Variants in ENPP6 observed in about 807,000 individuals in gnomAD.
ENPP6 encodes ectonucleotide pyrophosphatase/phosphodiesterase 6, also known as glycerophosphocholine cholinephosphodiesterase ENPP6.
ENPP6 carries 32 observed loss-of-function variants against 42.0 expected under a neutral mutation model. The observed-to-expected ratio is 0.76, with a 90% CI of 0.58 to 1.02. ENPP6 has a LOEUF of 1.02. ENPP6 is among the 50% of genes least tolerant of loss of function. The pLI, the probability that ENPP6 is intolerant of heterozygous loss-of-function variation, is 0.00. For synonymous variants in ENPP6, 213 were observed against 216.0 expected, an observed-to-expected ratio of 0.99 and a Z score of 0.12; for missense variants, 552 against 566.8, an observed-to-expected ratio of 0.97 and a Z score of 0.27.
intron 1 of ENPP6, among the ~76,000 whole-genome samples, chr4:184,190,437 C>T (rs538855548): frequency 4.6e-5 from 7 of 152,292 alleles, no homozygotes; most frequent in Non-Finnish European, 1.0e-4. Context: ...CTGAGCTGAT[C>T]TCCCTCATTT....
intron 1 of ENPP6, among the ~76,000 whole-genome samples, chr4:184,179,291 A>G (rs1428269280): frequency 6.6e-6 from 1 of 152,214 alleles, no homozygotes; most frequent in Non-Finnish European, 1.5e-5. Context: ...GGCATTATAT[A>G]ATGGTAAAGG....
At chr4:184,167,455 C>T (rs1217723931) in intron 1 of ENPP6, among the ~76,000 whole-genome samples, 12 of 152,102 alleles carry the variant, frequency 7.9e-5, no homozygotes, top group African/African-American at 2.7e-4. Flanking sequence ...AGACTAGTTA[C>T]CAGAATATTA....
Position 184,117,875 on chromosome 4 carries a change from T to A in ENPP6, c.559A>T (p.Ile187Leu). Residue 187 changes from isoleucine to leucine, a missense_variant, in exon 4 of 8, where the codon ATA becomes TTA. Transcript: ENST00000296741. Reference protein sequence around the residue: ...FKSGRADLAAIYHERIDVEGH... With the variant: ...FKSGRADLAALYHERIDVEGH... Reference sequence around the variant, plus strand: ...TCCACGTCAATGCGCTCATGGTATATGGCTGCCAGGTCGGCCCGGCCACTC... The same window carrying A: ...TCCACGTCAATGCGCTCATGGTATAAGGCTGCCAGGTCGGCCCGGCCACTC... The A allele has an allele frequency of 1.2e-6, 2 of 1,614,204 alleles. No individual in the cohort carries two copies. Among genetic ancestry groups the A allele is most frequent in the Non-Finnish European group, 1.7e-6 (2 of 1,180,040 alleles).
intron 1 of ENPP6, among the ~76,000 whole-genome samples, chr4:184,172,653 T>G (rs1332245109): frequency 6.6e-6 from 1 of 152,046 alleles, no homozygotes; most frequent in Non-Finnish European, 1.5e-5. Context: ...CTAATGTGGG[T>G]TTTTTTCTGC....
chr4:184,208,032 C>T (rs1733030504), intron 1 of ENPP6, among the ~76,000 whole-genome samples: 1 of 103,898 alleles, frequency 9.6e-6, no homozygotes, highest in Non-Finnish European at 2.1e-5. Flanking sequence ...CTTTAAAGAC[C>T]TTATCTCCAA....
chr4:184,117,087 A>T (rs754861851), intron 4 of ENPP6, 52 bp from the exon 5 acceptor site: 1 of 1,596,908 alleles, frequency 6.3e-7, no homozygotes, highest in Admixed American at 1.7e-5. Context: ...AGGCTCGTGC[A>T]CTCAGAAAAC....
chr4:184,135,829 G>A (rs559262983), intron 2 of ENPP6, among the ~76,000 whole-genome samples: 1 of 151,960 alleles, frequency 6.6e-6, no homozygotes, highest in South Asian at 2.1e-4. Context: ...TTCACCCAAG[G>A]GTGAATACTG....
intron 6 of ENPP6, among the ~76,000 whole-genome samples, chr4:184,110,441 C>G (rs1277284696): frequency 6.6e-6 from 1 of 152,188 alleles, no homozygotes; most frequent in African/African-American, 2.4e-5. Context: ...CTTCCAAATC[C>G]CTGTACCTAA....
At chr4:184,105,187 A>C (rs1227196963) in intron 6 of ENPP6, among the ~76,000 whole-genome samples, 2 of 152,186 alleles carry the variant, frequency 1.3e-5, no homozygotes, top group African/African-American at 4.8e-5. Flanking sequence ...GGTCTATGCA[A>C]ATCATCCATG....
At chr4:184,180,041 T>C (rs7689699) in intron 1 of ENPP6, among the ~76,000 whole-genome samples, 121,148 of 152,028 alleles carry the variant, frequency 0.8, 51,586 homozygotes, top group East Asian at 1. Context: ...TGGAAGGAGA[T>C]GGAGACATGA....
At chr4:184,162,550 A>AGGAGGGAGGGAAGGAG (rs775695641) in intron 1 of ENPP6, among the ~76,000 whole-genome samples, 4,414 of 73,192 alleles carry the variant, frequency 0.06, 247 homozygotes, top group African/African-American at 0.14. Flanking sequence ...GGAGGGAAGA[A>AGGAGGGAGGGAAGGAG]GGAAGGAAAG....
intron 1 of ENPP6, among the ~76,000 whole-genome samples, chr4:184,166,398 T>C (rs1274245091): frequency 6.6e-6 from 1 of 152,200 alleles, no homozygotes; most frequent in Non-Finnish European, 1.5e-5. Flanking sequence ...TAAAAATAAA[T>C]GCATTGCTTT....
chr4:184,134,433 T>A lies in ENPP6; in HGVS notation c.422-10161A>T, dbSNP rs114270791. Reference sequence around the variant, plus strand: ...AATTTTAAAACTGATACAGAAGTATTCCAATTTTCTATTTCTTTTTTTCTG... The same window carrying A: ...AATTTTAAAACTGATACAGAAGTATACCAATTTTCTATTTCTTTTTTTCTG... On this transcript the variant is annotated intron_variant, in intron 2 of 7. Transcript: ENST00000296741. Among the ~76,000 whole-genome samples the A allele has an allele frequency of 4.2e-3, 640 of 152,296 alleles. 4 individuals carry two copies. Among genetic ancestry groups the A allele is most frequent in the African/African-American group, 0.015 (613 of 41,560 alleles).
At chr4:184,143,074 T>C (rs1217761473) in intron 2 of ENPP6, among the ~76,000 whole-genome samples, 1 of 152,234 alleles carries the variant, frequency 6.6e-6, no homozygotes, top group Non-Finnish European at 1.5e-5. Flanking sequence ...CTTGACTTTC[T>C]GCACCACACG....
chr4:184,131,063 C>T lies in ENPP6; in HGVS notation c.422-6791G>A, dbSNP rs111624128. On this transcript the variant is annotated intron_variant, in intron 2 of 7. Coordinates refer to ENST00000296741, the MANE Select transcript of ENPP6 (RefSeq NM_153343.4). ...TAAGAGAAGAGCTCGATTTGGGGAA[C>T]GTATACAGTCAACTTTATAAGATAA... Among the ~76,000 whole-genome samples, 23 of 152,116 alleles carry T rather than the reference C, an allele frequency of 1.5e-4. 1 individual carries two copies. Among genetic ancestry groups the T allele is most frequent in the Non-Finnish European group, 2.9e-5 (2 of 68,022 alleles).
chr4:184,113,941 T>TTCTA (rs1553995054), intron 5 of ENPP6, among the ~76,000 whole-genome samples: 12 of 148,870 alleles, frequency 8.1e-5, no homozygotes, highest in African/African-American at 2.7e-4. Context: ...CTTTCTTTCT[T>TTCTA]TCTTTCTTTC....
At chr4:184,169,292 G>A (rs1352453916) in intron 1 of ENPP6, among the ~76,000 whole-genome samples, 1 of 152,030 alleles carries the variant, frequency 6.6e-6, no homozygotes, top group African/African-American at 2.4e-5. Flanking sequence ...CAGGCTGGGC[G>A]GGAGGATTCT....
chr4:184,106,281 T>C (rs933925552), intron 6 of ENPP6, among the ~76,000 whole-genome samples: 4 of 152,158 alleles, frequency 2.6e-5, no homozygotes, highest in Non-Finnish European at 5.9e-5. Flanking sequence ...GTGATCCGCC[T>C]GCCTCAGCCT....
intron 7 of ENPP6, among the ~76,000 whole-genome samples, chr4:184,094,348 A>T (rs1397492737): frequency 6.6e-6 from 1 of 152,382 alleles, no homozygotes; most frequent in East Asian, 1.9e-4. Context: ...TTCTTCTGAC[A>T]AAAGTATTAG....
Sources: allele counts gnomAD v4.1 joint callset (sites outside exome capture counted in the v4.1 genomes callset), GRCh38; gene constraint gnomAD v4.1.1; transcripts MANE v1.5; gene names NCBI Gene and HGNC (gene_info 2026-07-23, HGNC 2026-07-21).